RDH8: variants seen among roughly 807,000 people sequenced by gnomAD.
RDH8 encodes the protein photoreceptor outer segment all-trans retinol dehydrogenase.
RDH8 carries 14 observed loss-of-function variants against 22.3 expected under a neutral mutation model. The observed-to-expected ratio is 0.63, with a 90% CI of 0.42 to 0.98. RDH8 has a LOEUF of 0.98. RDH8 is among the 50% of genes least tolerant of loss of function. The probability of loss-of-function intolerance (pLI) is 0.00; values close to 1 mark genes in which losing one functional copy is unlikely to be tolerated. For missense variants in RDH8, 389 were observed against 409.8 expected, an observed-to-expected ratio of 0.95 and a Z score of 0.44; for synonymous variants, 175 against 171.7, an observed-to-expected ratio of 1.02 and a Z score of -0.15.
Position 10,013,555 on chromosome 19 carries a change from G to A in RDH8, c.58G>A (p.Glu20Lys). 1 of 1,613,958 alleles carries A rather than the reference G, an allele frequency of 6.2e-7. No individual in the cohort carries two copies. The change falls in exon 1 of 6, where the codon GAA (glutamate) becomes AAA (lysine). Residue 20 changes from glutamate (E) to lysine (K), a missense_variant. Physicochemically the swap from Glu to Lys is moderately conservative, Grantham distance 56. Transcript: ENST00000591589. ...ISGCSSGIGL[E>K]LAVQLAHDPK... Reference sequence around the variant, plus strand: ...CGGCTGCTCATCAGGAATTGGTCTGGAACTTGCAGTGCAACTGGCCCATGA... The same window carrying A: ...CGGCTGCTCATCAGGAATTGGTCTGAAACTTGCAGTGCAACTGGCCCATGA...
Position 10,017,126 on chromosome 19 carries a change from A to C in RDH8, c.173A>C (p.Gln58Pro), listed in dbSNP as rs1452606588. 2.5e-6 allele frequency: 4 copies of C among 1,611,490 alleles called. No individual in the cohort carries two copies. The highest frequency in any genetic ancestry group is 1.3e-5 in the African/African-American group (1 of 75,030). ...GCAGCTGCTGGGGAGGCTCTGGGGC[A>C]GACCCTCACCGTGGCCCAGCTGGAC... Reference protein sequence around the residue: ...LEAAAGEALGQTLTVAQLDVC... With the variant: ...LEAAAGEALGPTLTVAQLDVC... The change falls in exon 2 of 6, where the codon CAG (glutamine) becomes CCG (proline). Residue 58 changes from glutamine to proline, a missense_variant. By Grantham distance (76) the Gln-to-Pro change is moderately conservative. Coordinates refer to ENST00000591589, the MANE Select transcript of RDH8 (RefSeq NM_015725.4).
Position 10,022,106 on chromosome 19 carries a change from G to T in RDH8, c.*357G>T. ...TTCAACCTCGTGACTTCATGATCCT[G>T]GGCCTGAGAACACAGGAATGATTCA... On this transcript the variant is annotated 3_prime_UTR_variant, in exon 6 of 6. Coordinates refer to ENST00000591589, the MANE Select transcript of RDH8 (RefSeq NM_015725.4). 1 of 272,230 alleles carries T rather than the reference G, an allele frequency of 3.7e-6. No homozygotes were observed. The highest frequency in any genetic ancestry group is 2.2e-5 in the African/African-American group (1 of 45,354). The allele number at this position is 272,230 out of a possible 1,614,324, so 16.9% of individuals were successfully genotyped here.
Position 10,020,609 on chromosome 19 carries a change from C to T in RDH8, c.443-100C>T, listed in dbSNP as rs1208699818. Reference sequence around the variant, plus strand: ...ATGTATCTGCTTTCTCTGGTTCCCACATCCTCTTTGCTCTGTCTCCCAAAG... The same window carrying T: ...ATGTATCTGCTTTCTCTGGTTCCCATATCCTCTTTGCTCTGTCTCCCAAAG... On this transcript the variant is annotated intron_variant, in intron 3 of 5. Transcript: ENST00000591589. 20 of 723,218 alleles carry T rather than the reference C, an allele frequency of 2.8e-5. No individual in the cohort carries two copies. The East Asian group carries it at 5.4e-4, about 19-fold the overall frequency. 44.8% of individuals were successfully genotyped at this position (723,218 alleles called of 1,614,324 possible).
At chr19:10,015,231 C>A (rs1280090664) in intron 1 of RDH8, among the ~76,000 whole-genome samples, 1 of 152,098 alleles carries the variant, frequency 6.6e-6, no homozygotes, top group Non-Finnish European at 1.5e-5. Context: ...GTGGACAGAT[C>A]ACCTGAGATC....
rs1388214459 is a variant in RDH8 at position 10,021,714 on chromosome 19, T to A, written c.901T>A (p.Cys301Ser). ...LLNLGLQCLS[C>S]GCLPTRVRPR Reference sequence around the variant, plus strand: ...CAACCTTGGCCTTCAATGTCTGTCCTGCGGCTGCCTCCCAACGCGGGTGCG... The same window carrying A: ...CAACCTTGGCCTTCAATGTCTGTCCAGCGGCTGCCTCCCAACGCGGGTGCG... Residue 301 changes from cysteine (C) to serine (S), a missense_variant, in exon 6 of 6, where the codon TGC (cysteine) becomes AGC (serine). By Grantham distance (112) the Cys-to-Ser change is moderately radical (BLOSUM62 -1). Transcript: ENST00000591589. 3 of 1,614,004 alleles carry A rather than the reference T, an allele frequency of 1.9e-6. No homozygotes were observed. The highest frequency in any genetic ancestry group is 2.5e-6 in the Non-Finnish European group (3 of 1,180,024).
rs769149729 is a variant in RDH8, at chr19:10,017,017, G to A, written c.104-40G>A. On this transcript the variant is annotated intron_variant, in intron 1 of 5. Transcript: ENST00000591589. ...CGTGGCGCCCACACCAAGGGGAAAGGAGCTCAGTGCCTGTCCCTGCTTTAC... is the reference window on the plus strand; with the variant it reads ...CGTGGCGCCCACACCAAGGGGAAAGAAGCTCAGTGCCTGTCCCTGCTTTAC... 5 of 1,474,420 alleles carry A rather than the reference G, an allele frequency of 3.4e-6. No homozygotes were observed. The Admixed American group carries it at 1.1e-4, about 34-fold the overall frequency. The allele number at this position is 1,474,420 out of a possible 1,614,324, so 91.3% of individuals were successfully genotyped here.
chr19:10,017,164 G>GAGTC lies in RDH8; in HGVS notation c.212_215dup (p.Ala74GlyfsTer18). ...GGCCCAGCTGGACGTGTGCAGTGAT[G>GAGTC]AGTCGGTGGCCCAGTGTCTCAGCTG... is the stretch of plus-strand genomic sequence containing the variant. On this transcript the variant is annotated frameshift_variant, in exon 2 of 6. Transcript: ENST00000591589. LOFTEE classifies it high-confidence loss of function. The GAGTC allele has an allele frequency of 6.2e-7, 1 of 1,611,252 alleles. No homozygotes were observed. Among genetic ancestry groups the GAGTC allele is most frequent in the Non-Finnish European group, 8.5e-7 (1 of 1,178,160 alleles).
chr19:10,014,182 C>T (rs926686471), intron 1 of RDH8, among the ~76,000 whole-genome samples: 7 of 152,184 alleles, frequency 4.6e-5, no homozygotes. Context: ...ACCAGGAGAA[C>T]CCCTGACCCA....
chr19:10,017,122 G>C lies in RDH8; in HGVS notation c.169G>C (p.Gly57Arg), dbSNP rs774047582. The change falls in exon 2 of 6, where the codon GGG (glycine) becomes CGG (arginine). Residue 57 changes from glycine to arginine, a missense_variant. By Grantham distance (125) the Gly-to-Arg change is moderately radical. Transcript: ENST00000591589. ...TLEAAAGEAL[G>R]QTLTVAQLDV... ...GGAGGCAGCTGCTGGGGAGGCTCTGGGGCAGACCCTCACCGTGGCCCAGCT... is the reference window on the plus strand; with the variant it reads ...GGAGGCAGCTGCTGGGGAGGCTCTGCGGCAGACCCTCACCGTGGCCCAGCT... The C allele has an allele frequency of 5.0e-6, 8 of 1,611,104 alleles. No homozygotes were observed. Among genetic ancestry groups the C allele is most frequent in the Admixed American group, 1.7e-5 (1 of 59,816 alleles).
At chr19:10,015,974 A>G (rs1465869979) in intron 1 of RDH8, among the ~76,000 whole-genome samples, 1 of 151,616 alleles carries the variant, frequency 6.6e-6, no homozygotes, top group South Asian at 2.1e-4. Context: ...AAATATATAT[A>G]TATATATGGC....
In RDH8 at chr19:10,018,879, C is replaced by A; in HGVS notation, c.411C>A (p.Ile137=). ...TGAAGAGGAGGCGGCAGGGCCACAT[C>A]GTGGTGATCAGCAGTGTCATGGGCC... The part of the protein sequence containing the change: ...PGMKRRRQGH[I]VVISSVMGLQ... Residue 137 remains isoleucine, a synonymous_variant, in exon 3 of 6, where the codon ATC becomes ATA. Transcript: ENST00000591589. 1 of 1,612,908 alleles carries A rather than the reference C, an allele frequency of 6.2e-7. No individual in the cohort carries two copies. Among genetic ancestry groups the A allele is most frequent in the South Asian group, 1.1e-5 (1 of 90,908 alleles).
chr19:10,020,854 G>GC (rs1317528546), intron 4 of RDH8, 52 bp downstream of exon 4: 4 of 1,301,272 alleles, frequency 3.1e-6, no homozygotes, highest in Admixed American at 3.6e-5. Flanking sequence ...TGGGGAGGTG[G>GC]CATCGAAAGG....
chr19:10,014,175 A>T (rs1270797557), intron 1 of RDH8, among the ~76,000 whole-genome samples: 2 of 152,202 alleles, frequency 1.3e-5, no homozygotes, highest in African/African-American at 4.8e-5. Context: ...CTAACCAACC[A>T]GGAGAACCCC....
chr19:10,016,936 T>C, intron 1 of RDH8, 121 bp from the exon 2 acceptor site: 1 of 1,018,750 alleles, frequency 9.8e-7, no homozygotes, highest in Non-Finnish European at 1.4e-6. Context: ...TAAATGTAGG[T>C]GTGTAAACTT....
intron 1 of RDH8, among the ~76,000 whole-genome samples, chr19:10,015,538 A>G (rs890661113): frequency 1.3e-5 from 2 of 152,144 alleles, no homozygotes; most frequent in East Asian, 1.9e-4. Context: ...CTAAGGCAGG[A>G]GAATTGCTTG....
intron 1 of RDH8, among the ~76,000 whole-genome samples, chr19:10,016,196 G>C (rs1418398270): frequency 6.6e-6 from 1 of 150,728 alleles, no homozygotes; most frequent in South Asian, 2.1e-4. Context: ...TGCCAGGCTG[G>C]AGTGCAGTGG....
chr19:10,016,977 G>A (rs1453014264), intron 1 of RDH8, 80 bp from the exon 2 acceptor site: 41 of 1,349,514 alleles, frequency 3.0e-5, no homozygotes, highest in South Asian at 2.8e-4. Flanking sequence ...GACTTGTAAC[G>A]CAAGATCACA....
Position 10,018,780 on chromosome 19 carries a change from T to C in RDH8, c.312T>C (p.Leu104=), listed in dbSNP as rs2087638147. Residue 104 remains leucine (L), a synonymous_variant, in exon 3 of 6, where the codon CTT becomes CTC. Transcript: ENST00000591589. ...TGGGGCCCCTGGAGGGGCTCAGCCT[T>C]GCTGCCATGCAGAATGTCTTTGACA... ...GLVGPLEGLS[L]AAMQNVFDTN... 2.5e-6 allele frequency: 4 copies of C among 1,613,816 alleles called. No individual in the cohort carries two copies. Among genetic ancestry groups the C allele is most frequent in the Non-Finnish European group, 3.4e-6 (4 of 1,179,798 alleles).
chr19:10,015,687 C>G (rs575290210), intron 1 of RDH8, among the ~76,000 whole-genome samples: 1 of 151,216 alleles, frequency 6.6e-6, no homozygotes, highest in Non-Finnish European at 1.5e-5. Flanking sequence ...TGGCTCCTCA[C>G]GCCTGTAATC....
Sources: allele counts gnomAD v4.1 joint callset (sites outside exome capture counted in the v4.1 genomes callset), GRCh38; gene constraint gnomAD v4.1.1; transcripts MANE v1.5; gene names NCBI Gene and HGNC (gene_info 2026-07-23, HGNC 2026-07-21).